RABEP2: variants seen among roughly 807,000 people sequenced by gnomAD.
RABEP2 encodes rab GTPase-binding effector protein 2.
A neutral mutation model predicts 74.1 loss-of-function variants in RABEP2; 57 were observed. That is an observed-to-expected ratio of 0.77 (90% CI 0.62 to 0.96). The LOEUF is 0.96. RABEP2 is among the 40% of genes least tolerant of loss of function. The probability of loss-of-function intolerance (pLI) is 0.00; values close to 1 mark genes in which losing one functional copy is unlikely to be tolerated. For missense variants in RABEP2, 692 were observed against 756.3 expected (o/e 0.91, Z 1.00); for synonymous variants, 351 against 344.0 (o/e 1.02, Z -0.23).
rs756062618 is a variant in RABEP2, at chr16:28,910,904, C to T, written c.1073G>A (p.Arg358Gln). 41 of 1,611,850 alleles carry T rather than the reference C, an allele frequency of 2.5e-5. No homozygotes were observed. Among genetic ancestry groups the T allele is most frequent in the Middle Eastern group, 1.6e-4 (1 of 6,082 alleles). ...GGTACTCACCATCTGCAGCTGCACC[C>T]GCTCCTGGGCCTGGCTCACGGTCCC... ...LQGTVSQAQERVQLQMAELVT... is the reference protein window; with the variant it reads ...LQGTVSQAQEQVQLQMAELVT... Residue 358 changes from arginine (R) to glutamine (Q), a missense_variant, in exon 7 of 13, where the codon CGG (arginine) becomes CAG (glutamine). Arg to Gln is a conservative substitution (Grantham distance 43). Coordinates refer to ENST00000358201, the MANE Select transcript of RABEP2 (RefSeq NM_024816.3).
At chr16:28,920,043 G>T in intron 2 of RABEP2, 100 bp from the exon 3 acceptor site, 1 of 1,316,094 alleles carries the variant, frequency 7.6e-7, no homozygotes, top group Non-Finnish European at 1.0e-6. Flanking sequence ...CTTTCTGTGA[G>T]ACAATCTACC....
chr16:28,921,280 C>T (rs1286812410), intron 2 of RABEP2: 15 of 455,364 alleles, frequency 3.3e-5, no homozygotes, highest in Admixed American at 7.1e-5. Flanking sequence ...ATGAAGAGGG[C>T]GGCTGTGGCA....
At chr16:28,905,280 A>G in intron 12 of RABEP2, 117 bp downstream of exon 12, 2 of 788,128 alleles carry the variant, frequency 2.5e-6, no homozygotes, top group East Asian at 2.6e-5. Flanking sequence ...GGACAGGACC[A>G]TGCCAGCCCC....
chr16:28,922,565 A>T (rs986627828), intron 2 of RABEP2, among the ~76,000 whole-genome samples: 7 of 148,758 alleles, frequency 4.7e-5, no homozygotes, highest in South Asian at 2.1e-4. Flanking sequence ...ACTAAAAATT[A>T]AAAAAAAAAA....
chr16:28,913,625 G>A (rs575359728), intron 5 of RABEP2, among the ~76,000 whole-genome samples: 2 of 152,120 alleles, frequency 1.3e-5, no homozygotes, highest in Admixed American at 1.3e-4. Flanking sequence ...GGGATTACGG[G>A]CATGCGCCAC....
intron 8 of RABEP2, 75 bp from the exon 9 acceptor site, chr16:28,906,271 G>A: frequency 6.8e-7 from 1 of 1,462,154 alleles, no homozygotes; most frequent in Non-Finnish European, 9.0e-7. Context: ...GCCAGACGGG[G>A]ATTGTCGGGA....
Position 28,914,282 on chromosome 16 carries a change from C to A in RABEP2, c.848G>T (p.Gly283Val). Residue 283 changes from glycine to valine, a missense_variant, in exon 5 of 13, where the codon GGC becomes GTC. Transcript: ENST00000358201. ...VPEGIYLPPP[G>V]YQLVPDTQWE... is the part of the protein sequence containing the mutation. ...CTGAGTGTCTGGGACGAGCTGGTAG[C>A]CAGGAGGGGGCAGGTAGATGCCCTC... is the stretch of plus-strand genomic sequence containing the variant. 1 of 1,611,848 alleles carries A rather than the reference C, an allele frequency of 6.2e-7. No individual in the cohort carries two copies. Among genetic ancestry groups the A allele is most frequent in the Admixed American group, 1.7e-5 (1 of 59,902 alleles).
At chr16:28,906,756 C>G (rs751835169) in intron 8 of RABEP2, among the ~76,000 whole-genome samples, 12 of 151,968 alleles carry the variant, frequency 7.9e-5, no homozygotes, top group Non-Finnish European at 1.5e-4. Context: ...CAGAACAAGA[C>G]TCCATCTCAA....
chr16:28,919,156 C>T (rs892938655), intron 3 of RABEP2, among the ~76,000 whole-genome samples: 2 of 152,212 alleles, frequency 1.3e-5, no homozygotes, highest in African/African-American at 4.8e-5. Flanking sequence ...CCTAAAGCAT[C>T]AGAGGCATCC....
intron 2 of RABEP2, 21 bp from the exon 3 acceptor site, chr16:28,919,964 TG>T: frequency 1.5e-6 from 1 of 671,034 alleles, no homozygotes. Context: ...AGAGGGAGGG[TG>T]GGAGAGAGGG....
chr16:28,916,633 C>T (rs1964397100), intron 3 of RABEP2, among the ~76,000 whole-genome samples: 1 of 142,656 alleles, frequency 7.0e-6, no homozygotes, highest in South Asian at 2.2e-4. Context: ...GATCACGTCA[C>T]TGCACTCCAG....
chr16:28,911,117 G>A lies in RABEP2; in HGVS notation c.957C>T (p.Gly319=). 3 of 1,613,188 alleles carry A rather than the reference G, an allele frequency of 1.9e-6. No individual in the cohort carries two copies. Among genetic ancestry groups the A allele is most frequent in the Non-Finnish European group, 1.7e-6 (2 of 1,180,010 alleles). ...VSRERDELQE[G]LRRSNEDCAK... ...CACAGTCCTCATTGCTCCGTCTCAG[G>A]CCCTCTTGGAGCTCGTCCCGCTCGC... is the stretch of plus-strand genomic sequence containing the variant. Residue 319 remains glycine (G), a synonymous_variant, in exon 6 of 13, where the codon GGC becomes GGT. Transcript: ENST00000358201.
intron 7 of RABEP2, among the ~76,000 whole-genome samples, chr16:28,910,078 T>C (rs1964291409): frequency 6.6e-6 from 1 of 150,970 alleles, no homozygotes. Flanking sequence ...AATATTCATA[T>C]TTTTGGTTTC....
chr16:28,924,846 T>A, intron 1 of RABEP2: 1 of 672,992 alleles, frequency 1.5e-6, no homozygotes, highest in Non-Finnish European at 2.7e-6. Context: ...CTCTCTTCGG[T>A]CCCACCTGGC....
At position 28,925,011 on chromosome 16, in the gene RABEP2, T is replaced by C. The variant is rs1481546914; in HGVS notation, c.61+92A>G. 1.1e-5 allele frequency: 11 copies of C among 985,904 alleles called. No individual in the cohort carries two copies. In the African/African-American group the frequency reaches 1.8e-4, roughly 16 times the overall value. 61.1% of individuals were successfully genotyped at this position (985,904 alleles called of 1,614,324 possible). A position where few individuals can be genotyped will look rare whatever the true frequency, so the allele number is the denominator to read the frequency against. ...CGGCGTGGCCCCGCCCCTTCCTCCA[T>C]CATCCCTCTCCACCCCCCATCCGCA... On this transcript the variant is annotated intron_variant, in intron 1 of 12. Coordinates refer to ENST00000358201, the MANE Select transcript of RABEP2 (RefSeq NM_024816.3).
chr16:28,907,784 G>C (rs1384812290), intron 8 of RABEP2, among the ~76,000 whole-genome samples: 1 of 151,882 alleles, frequency 6.6e-6, no homozygotes, highest in Non-Finnish European at 1.5e-5. Flanking sequence ...TTACAGGCAC[G>C]AGCCACCACA....
rs141672600 is a variant in RABEP2 at position 28,923,515 on chromosome 16, T to A, written c.274+888A>T. 3.0e-3 allele frequency among the ~76,000 whole-genome samples: 462 copies of A among 152,140 alleles called. 6 individuals carry two copies. The highest frequency in any genetic ancestry group is 0.011 in the African/African-American group (444 of 41,506). On this transcript the variant is annotated intron_variant, in intron 2 of 12. Coordinates refer to ENST00000358201, the MANE Select transcript of RABEP2 (RefSeq NM_024816.3). ...GATATAACAAGTTTCCCTTAATAAA[T>A]GTATGTAAACTTTTAAAATGTGGAT...
At chr16:28,911,885 G>A (rs886210391) in intron 5 of RABEP2, among the ~76,000 whole-genome samples, 1 of 151,838 alleles carries the variant, frequency 6.6e-6, no homozygotes, top group African/African-American at 2.4e-5. Flanking sequence ...AAAGACAGAG[G>A]TTGCAGTGAG....
rs1157346715 is a variant in RABEP2, at chr16:28,925,090, C to T, written c.61+13G>A. On this transcript the variant is annotated intron_variant, in intron 1 of 12. Coordinates refer to ENST00000358201, the MANE Select transcript of RABEP2 (RefSeq NM_024816.3). ...TCACCGTTCCCCGCTTGCACGGACGCCCCCTCACGTACCAGCCCCCGGCCG... is the reference window on the plus strand; with the variant it reads ...TCACCGTTCCCCGCTTGCACGGACGTCCCCTCACGTACCAGCCCCCGGCCG... 1.3e-6 allele frequency: 2 copies of T among 1,548,420 alleles called. No individual in the cohort carries two copies. Among genetic ancestry groups the T allele is most frequent in the Admixed American group, 3.7e-5 (2 of 53,492 alleles).
Sources: gnomAD v4.1 joint callset for allele counts (sites outside exome capture counted in the v4.1 genomes callset) on GRCh38, gnomAD v4.1.1 for gene constraint, MANE v1.5 for transcripts, NCBI Gene and HGNC (gene_info 2026-07-23, HGNC 2026-07-21) for gene names.